The following LDB2 variants were observed in gnomAD, a reference collection of about 807,000 sequenced individuals.
LDB2 encodes the protein LIM domain binding 2.
In LDB2, 12 loss-of-function variants were observed where a neutral mutation model predicts 44.3. The observed-to-expected ratio is 0.27, with a 90% confidence interval of 0.17 to 0.44. The LOEUF is 0.44. Ranked by LOEUF, LDB2 falls within the 20% of genes least tolerant of loss-of-function variation. The pLI is 1.00. For missense variants in LDB2, 344 were observed against 473.5 expected (o/e 0.73, Z 2.54); for synonymous variants, 164 against 174.8 (o/e 0.94, Z 0.49).
chr4:16,876,137 G>A (rs16894138), intron 1 of LDB2, among the ~76,000 whole-genome samples: 10,741 of 152,182 alleles, frequency 0.071, 1,262 homozygotes, highest in African/African-American at 0.24. Flanking sequence ...TTTCAGAAGC[G>A]CTCAAGGTTT....
chr4:16,543,768 A>C (rs35997104), intron 5 of LDB2, among the ~76,000 whole-genome samples: 17,617 of 152,160 alleles, frequency 0.12, 1,621 homozygotes, highest in East Asian at 0.24. Flanking sequence ...ACAAATGGAT[A>C]TAATTAAACT....
chr4:16,641,465 G>A (rs1735148034), intron 2 of LDB2, among the ~76,000 whole-genome samples: 1 of 152,156 alleles, frequency 6.6e-6, no homozygotes, highest in Non-Finnish European at 1.5e-5. Flanking sequence ...AGGAAGCATG[G>A]CATGGGTATC....
intron 1 of LDB2, among the ~76,000 whole-genome samples, chr4:16,886,774 T>C (rs1416766919): frequency 6.6e-6 from 1 of 152,098 alleles, no homozygotes. Flanking sequence ...GGCTCACACC[T>C]GTAATCCCAG....
At chr4:16,617,836 G>A (rs1264258223) in intron 2 of LDB2, among the ~76,000 whole-genome samples, 2 of 152,198 alleles carry the variant, frequency 1.3e-5, no homozygotes, top group Non-Finnish European at 2.9e-5. Context: ...TTGGAAGCAT[G>A]ATAAATGGAG....
intron 2 of LDB2, among the ~76,000 whole-genome samples, chr4:16,627,618 A>G (rs1180738808): frequency 1.3e-5 from 2 of 152,206 alleles, no homozygotes; most frequent in African/African-American, 4.8e-5. Flanking sequence ...GCGTACACAG[A>G]CACTAAGTGA....
chr4:16,506,147 A>G (rs1719325164), intron 7 of LDB2: 2 of 627,146 alleles, frequency 3.2e-6, no homozygotes, highest in South Asian at 2.3e-5. Context: ...GTTAACCAGT[A>G]GAATAGTGTT....
At chr4:16,708,375 A>G (rs1755093283) in intron 2 of LDB2, among the ~76,000 whole-genome samples, 1 of 152,030 alleles carries the variant, frequency 6.6e-6, no homozygotes, top group African/African-American at 2.4e-5. Flanking sequence ...GAGAACCCCC[A>G]ATGGTCAGCC....
At chr4:16,602,673 T>G (rs1396884128) in intron 2 of LDB2, among the ~76,000 whole-genome samples, 1 of 152,156 alleles carries the variant, frequency 6.6e-6, no homozygotes, top group African/African-American at 2.4e-5. Flanking sequence ...TTTGATCCTC[T>G]TATAAATAGG....
chr4:16,570,551 G>GGTAAACT (rs1458627698), intron 5 of LDB2, among the ~76,000 whole-genome samples: 1 of 142,506 alleles, frequency 7.0e-6, no homozygotes, highest in African/African-American at 2.6e-5. Context: ...ACAACAGAAG[G>GGTAAACT]GTAAACTGAT....
At chr4:16,810,269 T>C (rs1487969982) in intron 1 of LDB2, among the ~76,000 whole-genome samples, 2 of 152,188 alleles carry the variant, frequency 1.3e-5, no homozygotes, top group African/African-American at 2.4e-5. Flanking sequence ...ATGACCCATC[T>C]CAAATGCATC....
intron 2 of LDB2, among the ~76,000 whole-genome samples, chr4:16,734,778 G>A (rs1226263652): frequency 6.8e-5 from 10 of 146,828 alleles, no homozygotes; most frequent in African/African-American, 2.0e-4. Flanking sequence ...GCACAATCTC[G>A]GCTCACTGCA....
chr4:16,747,942 T>TA (rs1561085999), intron 2 of LDB2, among the ~76,000 whole-genome samples: 1 of 151,934 alleles, frequency 6.6e-6, no homozygotes, highest in African/African-American at 2.4e-5. Context: ...TTTTTCAAAG[T>TA]AAAAAAAGAC....
intron 2 of LDB2, among the ~76,000 whole-genome samples, chr4:16,638,211 A>G (rs1378183094): frequency 6.6e-6 from 1 of 152,168 alleles, no homozygotes; most frequent in Non-Finnish European, 1.5e-5. Context: ...GCATTGCAGG[A>G]AATAAAAAGC....
chr4:16,663,601 C>G (rs1742205269), intron 2 of LDB2, among the ~76,000 whole-genome samples: 1 of 152,144 alleles, frequency 6.6e-6, no homozygotes, highest in Non-Finnish European at 1.5e-5. Context: ...CCGTGAAGCT[C>G]CTTGAAGGCA....
intron 1 of LDB2, among the ~76,000 whole-genome samples, chr4:16,887,948 C>T (rs973093679): frequency 1.3e-5 from 2 of 152,072 alleles, no homozygotes; most frequent in African/African-American, 4.8e-5. Context: ...AGCGTTACTA[C>T]CCATCCACCT....
intron 2 of LDB2, among the ~76,000 whole-genome samples, chr4:16,725,507 A>G (rs1328339121): frequency 6.6e-6 from 1 of 152,138 alleles, no homozygotes; most frequent in African/African-American, 2.4e-5. Context: ...GAAGCTAAAC[A>G]ATAGCTTCTG....
At chr4:16,825,625 G>A (rs1469286693) in intron 1 of LDB2, among the ~76,000 whole-genome samples, 1 of 151,932 alleles carries the variant, frequency 6.6e-6, no homozygotes, top group Non-Finnish European at 1.5e-5. Flanking sequence ...CTGAGCCCAG[G>A]TTTACAATGT....
intron 1 of LDB2, among the ~76,000 whole-genome samples, chr4:16,799,734 C>T (rs1253383846): frequency 1.3e-5 from 2 of 152,146 alleles, no homozygotes; most frequent in Non-Finnish European, 2.9e-5. Flanking sequence ...ACACCTTTTG[C>T]TTAACACTTG....
intron 1 of LDB2, among the ~76,000 whole-genome samples, chr4:16,881,345 C>T (rs148008930): frequency 3.9e-5 from 6 of 152,280 alleles, no homozygotes; most frequent in African/African-American, 9.6e-5. Context: ...GATACCACTA[C>T]GTATCACAGT....
Sources: allele counts gnomAD v4.1 joint callset (sites outside exome capture counted in the v4.1 genomes callset), GRCh38; gene constraint gnomAD v4.1.1; transcripts MANE v1.5; gene names NCBI Gene and HGNC (gene_info 2026-07-23, HGNC 2026-07-21).